RBFOX1: variants seen among roughly 807,000 people sequenced by gnomAD.
The protein encoded by RBFOX1 is RNA binding protein fox-1 homolog 1.
RBFOX1 carries 8 observed loss-of-function variants against 57.7 expected under a neutral mutation model. That is an observed-to-expected ratio of 0.14 (90% CI 0.08 to 0.25). The LOEUF (loss-of-function observed/expected upper bound fraction) is 0.25, where lower values mean the gene tolerates loss of function less well. Ranked by LOEUF, RBFOX1 falls within the 10% of genes least tolerant of loss-of-function variation. The probability of loss-of-function intolerance (pLI) is 1.00; values close to 1 mark genes in which losing one functional copy is unlikely to be tolerated. For missense variants in RBFOX1, 611 were observed against 548.5 expected (o/e 1.11, Z -1.14); for synonymous variants, 326 against 222.4 (o/e 1.47, Z -4.15).
intron 11 of RBFOX1, among the ~76,000 whole-genome samples, chr16:7,638,481 C>T (rs1263817340): frequency 3.9e-5 from 6 of 152,072 alleles, no homozygotes; most frequent in South Asian, 2.1e-4. Context: ...GGAGTGGTCA[C>T]GGGGAACCTC....
intron 1 of RBFOX1, among the ~76,000 whole-genome samples, chr16:6,062,673 ATATC>A (rs969417643): frequency 1.0e-3 from 151 of 149,904 alleles, no homozygotes; most frequent in Non-Finnish European, 1.8e-3. Flanking sequence ...ACATAGATAT[ATATC>A]TATATATGTA....
intron 4 of RBFOX1, among the ~76,000 whole-genome samples, chr16:7,139,582 C>T (rs966178139): frequency 4.6e-5 from 7 of 152,074 alleles, no homozygotes. Flanking sequence ...GTAACTTCTA[C>T]TACTACTACT....
intron 4 of RBFOX1, among the ~76,000 whole-genome samples, chr16:7,512,114 G>A (rs1041943419): frequency 6.6e-6 from 1 of 152,148 alleles, no homozygotes; most frequent in Non-Finnish European, 1.5e-5. Context: ...AGGGAAAGGT[G>A]GGGGTTTGGC....
chr16:7,045,960 G>C (rs1172368730), intron 3 of RBFOX1, among the ~76,000 whole-genome samples: 3 of 152,040 alleles, frequency 2.0e-5, no homozygotes, highest in Admixed American at 6.6e-5. Context: ...GCCCGGCCAA[G>C]ATAAACTTTT....
At chr16:6,138,539 C>A (rs950292628) in intron 1 of RBFOX1, among the ~76,000 whole-genome samples, 2 of 152,102 alleles carry the variant, frequency 1.3e-5, no homozygotes, top group African/African-American at 4.8e-5. Context: ...ACGACCAGGG[C>A]AAATCTGCTG....
In RBFOX1 at chr16:6,316,273, C is replaced by A. The variant is rs1257183289; in HGVS notation, c.-126-722C>A. Among the ~76,000 whole-genome samples, 4 of 152,112 alleles carry A rather than the reference C, an allele frequency of 2.6e-5. No homozygotes were observed. The East Asian group carries it at 7.7e-4, about 29-fold the overall frequency. ...ATGACCTCTCTTTCAACTCACTGAA[C>A]TATAGGAGATTATAATAGCCATTTG... On this transcript the variant is annotated intron_variant, in intron 1 of 15. Coordinates refer to ENST00000550418, the MANE Select transcript of RBFOX1 (RefSeq NM_018723.4).
chr16:6,869,371 G>C (rs550310637), intron 3 of RBFOX1, among the ~76,000 whole-genome samples: 3 of 152,202 alleles, frequency 2.0e-5, no homozygotes, highest in South Asian at 2.1e-4. Flanking sequence ...GTTGTAGGTA[G>C]AGAAAGAGTC....
chr16:6,096,230 A>G (rs765702146), intron 1 of RBFOX1, among the ~76,000 whole-genome samples: 2 of 152,216 alleles, frequency 1.3e-5, no homozygotes, highest in Non-Finnish European at 2.9e-5. Context: ...GAATTATTCC[A>G]TAGTGGGAAG....
At chr16:6,950,619 G>A (rs1247757633) in intron 3 of RBFOX1, among the ~76,000 whole-genome samples, 1 of 152,152 alleles carries the variant, frequency 6.6e-6, no homozygotes, top group Non-Finnish European at 1.5e-5. Flanking sequence ...CAGGTGCTGT[G>A]TGCCTTATGT....
intron 4 of RBFOX1, among the ~76,000 whole-genome samples, chr16:7,335,533 C>G (rs1408801800): frequency 1.4e-5 from 2 of 139,712 alleles, no homozygotes; most frequent in Non-Finnish European, 3.1e-5. Flanking sequence ...TTTCAAGAGT[C>G]ATTTTGAAAA....
At chr16:6,504,856 C>G (rs572152385) in intron 2 of RBFOX1, among the ~76,000 whole-genome samples, 4 of 151,888 alleles carry the variant, frequency 2.6e-5, no homozygotes, top group Admixed American at 6.6e-5. Flanking sequence ...GAGTTCAAGA[C>G]TAGCCTGCCC....
intron 4 of RBFOX1, among the ~76,000 whole-genome samples, chr16:5,985,486 G>A (rs868333190): frequency 6.6e-6 from 1 of 152,086 alleles, no homozygotes; most frequent in Non-Finnish European, 1.5e-5. Context: ...TGGGCCCAAA[G>A]CCACAGAAGC....
chr16:6,862,757 G>A (rs2059237354), intron 3 of RBFOX1, among the ~76,000 whole-genome samples: 1 of 152,152 alleles, frequency 6.6e-6, no homozygotes, highest in South Asian at 2.1e-4. Flanking sequence ...GGCCGAGGCT[G>A]GTGGATCACC....
At chr16:6,156,156 G>T (rs1287189076) in intron 1 of RBFOX1, among the ~76,000 whole-genome samples, 3 of 152,182 alleles carry the variant, frequency 2.0e-5, no homozygotes, top group Non-Finnish European at 4.4e-5. Flanking sequence ...ACATTTTTAA[G>T]AATCAGTGTC....
intron 2 of RBFOX1, among the ~76,000 whole-genome samples, chr16:6,565,221 C>T (rs1484662449): frequency 6.6e-6 from 1 of 150,624 alleles, no homozygotes. Flanking sequence ...TACAAATAGC[C>T]ATAGGCCCCC....
intron 3 of RBFOX1, among the ~76,000 whole-genome samples, chr16:6,806,634 C>G (rs986102973): frequency 7.9e-5 from 12 of 151,412 alleles, no homozygotes; most frequent in African/African-American, 2.7e-4. Context: ...TGTCTTTTAC[C>G]TACACGCGGT....
At chr16:6,664,577 G>C (rs1371047992) in intron 3 of RBFOX1, among the ~76,000 whole-genome samples, 4 of 152,184 alleles carry the variant, frequency 2.6e-5, no homozygotes, top group Non-Finnish European at 5.9e-5. Context: ...GGCTGTGCGA[G>C]AGACAGCTGC....
intron 4 of RBFOX1, among the ~76,000 whole-genome samples, chr16:5,882,528 G>T (rs966463644): frequency 2.0e-5 from 3 of 152,178 alleles, no homozygotes; most frequent in Non-Finnish European, 4.4e-5. Context: ...GATGAACTCA[G>T]AGCTGCCTCT....
chr16:5,775,963 C>T (rs886715202), intron 3 of RBFOX1, among the ~76,000 whole-genome samples: 1 of 152,154 alleles, frequency 6.6e-6, no homozygotes, highest in Non-Finnish European at 1.5e-5. Context: ...CATTTCAGCT[C>T]CCCAGGATGA....
Sources: gnomAD v4.1 joint callset for allele counts (sites outside exome capture counted in the v4.1 genomes callset) on GRCh38, gnomAD v4.1.1 for gene constraint, MANE v1.5 for transcripts, NCBI Gene and HGNC (gene_info 2026-07-23, HGNC 2026-07-21) for gene names.